The following POLRMT variants were observed in gnomAD, a reference collection of about 807,000 sequenced individuals.
POLRMT encodes the protein DNA-directed RNA polymerase, mitochondrial.
Under a neutral mutation model 132.2 loss-of-function variants are expected in POLRMT, and 114 were observed. The ratio of observed to expected loss-of-function variants is 0.86; its 90% CI spans 0.74 to 1.01. The LOEUF (loss-of-function observed/expected upper bound fraction) is 1.01, where lower values mean the gene tolerates loss of function less well. Among genes scored for constraint, POLRMT ranks in the 50% least tolerant of loss-of-function variants. POLRMT has a pLI of 0.00. For missense variants in POLRMT, 2,003 were observed against 1,729.1 expected, an observed-to-expected ratio of 1.16 and a Z score of -2.81; for synonymous variants, 1,020 against 773.4, an observed-to-expected ratio of 1.32 and a Z score of -5.29.
chr19:631,199 G>A (rs1276985790), intron 2 of POLRMT, among the ~76,000 whole-genome samples: 2 of 151,810 alleles, frequency 1.3e-5, no homozygotes, highest in African/African-American at 2.4e-5. Context: ...ACAGGGCCGC[G>A]CACCTGTGGT....
chr19:617,226 G>GCA lies in POLRMT; in HGVS notation c.*47_*48insTG. ...CCCTTCCTGAAGACAGTGGCTCCTG[G>GCA]GGGTGGCAAAAGAGCTTTATTTACA... On this transcript the variant is annotated 3_prime_UTR_variant, in exon 21 of 21. Coordinates refer to ENST00000588649, the MANE Select transcript of POLRMT (RefSeq NM_005035.4). 1.2e-6 allele frequency: 2 copies of GCA among 1,601,564 alleles called. No homozygotes were observed.
chr19:633,383 G>A (rs1343922054), intron 1 of POLRMT, 42 bp downstream of exon 1: 2 of 1,466,848 alleles, frequency 1.4e-6, no homozygotes, highest in Non-Finnish European at 1.8e-6. Flanking sequence ...AGGAGCCCAC[G>A]CCGTGGCCCC....
intron 16 of POLRMT, 50 bp downstream of exon 16, chr19:618,655 G>C (rs1984219729): frequency 3.7e-6 from 6 of 1,601,970 alleles, no homozygotes; most frequent in Non-Finnish European, 5.1e-6. Context: ...TCTCCACCGT[G>C]GCTGCTCTCC....
rs369286860 is a variant in POLRMT at position 623,606 on chromosome 19, G to A, written c.1141-3C>T. On this transcript the variant is annotated splice_polypyrimidine_tract_variant and splice_region_variant and intron_variant, in intron 5 of 20. Coordinates refer to ENST00000588649, the MANE Select transcript of POLRMT (RefSeq NM_005035.4). ...TTCGGGTAGGACACACGCCCATCCT[G>A]CAGGGATGGGGGTAGTGAGGTTGGG... 125 of 1,613,308 alleles carry A rather than the reference G, an allele frequency of 7.7e-5. No homozygotes were observed. The highest frequency in any genetic ancestry group is 8.1e-5 in the Non-Finnish European group (95 of 1,179,882).
At chr19:626,847 CTT>C (rs1985052252) in intron 3 of POLRMT, among the ~76,000 whole-genome samples, 1 of 150,012 alleles carries the variant, frequency 6.7e-6, no homozygotes, top group Non-Finnish European at 1.5e-5. Flanking sequence ...GAGACAGAAA[CTT>C]TGCTGTCGAC....
intron 3 of POLRMT, among the ~76,000 whole-genome samples, chr19:627,431 C>G (rs150088366): frequency 0.048 from 7,321 of 151,468 alleles, 256 homozygotes; most frequent in Non-Finnish European, 0.068. Flanking sequence ...GGATTACAGG[C>G]GTGAGCCACT....
chr19:623,268 G>A (rs537078001), intron 6 of POLRMT, among the ~76,000 whole-genome samples, 186 bp downstream of exon 6: 1 of 152,344 alleles, frequency 6.6e-6, no homozygotes, highest in East Asian at 1.9e-4. Flanking sequence ...GAGTTCCTAG[G>A]CCCTGCATGA....
chr19:629,872 G>A lies in POLRMT; in HGVS notation c.490C>T (p.Pro164Ser). Reference sequence around the variant, plus strand: ...GCCATCTGCTTGCTCAGGAGCCGGGGCTCCACCTGCAGGCGCCTGGTCAGC... The same window carrying A: ...GCCATCTGCTTGCTCAGGAGCCGGGACTCCACCTGCAGGCGCCTGGTCAGC... Reference protein sequence around the residue: ...KALTRRLQVEPRLLSKQMAGC... With the variant: ...KALTRRLQVESRLLSKQMAGC... The change falls in exon 3 of 21, where the codon CCC becomes TCC. Residue 164 changes from proline to serine, a missense_variant. Physicochemically the swap from Pro to Ser is moderately conservative, Grantham distance 74. Coordinates refer to ENST00000588649, the MANE Select transcript of POLRMT (RefSeq NM_005035.4). 2.5e-6 allele frequency: 4 copies of A among 1,610,586 alleles called. No homozygotes were observed. The highest frequency in any genetic ancestry group is 2.2e-5 in the South Asian group (2 of 90,936).
Position 621,390 on chromosome 19 carries a change from G to A in POLRMT, c.2308C>T (p.Arg770Trp), listed in dbSNP as rs751282996. Residue 770 changes from arginine (R) to tryptophan (W), a missense_variant, in exon 10 of 21, where the codon CGG becomes TGG. By Grantham distance (101) the Arg-to-Trp change is moderately radical (BLOSUM62 -3). Coordinates refer to ENST00000588649, the MANE Select transcript of POLRMT (RefSeq NM_005035.4). ...TCCGCCCGCAGGCTGTGCATCTCCC[G>A]GGCCACCTTCTGGCAGTGCGCCAGC... is the stretch of plus-strand genomic sequence containing the variant. ...RELAHCQKVA[R>W]EMHSLRAEAL... 179 of 1,537,830 alleles carry A rather than the reference G, an allele frequency of 1.2e-4. No individual in the cohort carries two copies. The highest frequency in any genetic ancestry group is 1.5e-4 in the Non-Finnish European group (175 of 1,149,422).
In POLRMT at chr19:633,448, C is replaced by T. The variant is rs1008736323; in HGVS notation, c.65G>A (p.Arg22His). The change falls in exon 1 of 21, where the codon CGC becomes CAC. Residue 22 changes from arginine (R) to histidine (H), a missense_variant. By Grantham distance (29) the Arg-to-His change is conservative. Coordinates refer to ENST00000588649, the MANE Select transcript of POLRMT (RefSeq NM_005035.4). ...ACCTTCTTTGCCGGGGAGTCCCGGGCGGCCGCAAGGCCGTAGGGCTCGTTT... is the reference window on the plus strand; with the variant it reads ...ACCTTCTTTGCCGGGGAGTCCCGGGTGGCCGCAAGGCCGTAGGGCTCGTTT... ...GLKRALRPCG[R>H]PGLPGKEGTA... The T allele has an allele frequency of 1.3e-6, 2 of 1,555,110 alleles. No homozygotes were observed. The highest frequency in any genetic ancestry group is 1.8e-5 in the Admixed American group (1 of 56,722).
chr19:629,614 G>C lies in POLRMT; in HGVS notation c.748C>G (p.His250Asp), dbSNP rs137994680. 4.2e-4 allele frequency: 674 copies of C among 1,607,602 alleles called. No individual in the cohort carries two copies. Among genetic ancestry groups the C allele is most frequent in the Non-Finnish European group, 5.4e-4 (637 of 1,178,298 alleles). ...AGCTTCCGCTTCTGCCGCTGGCCGTGGTGGACGACCAGCAGGTGGTGGGCG... is the reference window on the plus strand; with the variant it reads ...AGCTTCCGCTTCTGCCGCTGGCCGTCGTGGACGACCAGCAGGTGGTGGGCG... ...PLAHHLLVVH[H>D]GQRQKRKLLT... Residue 250 changes from histidine (H) to aspartate (D), a missense_variant, in exon 3 of 21, where the codon CAC becomes GAC. Physicochemically the swap from His to Asp is moderately conservative, Grantham distance 81. Coordinates refer to ENST00000588649, the MANE Select transcript of POLRMT (RefSeq NM_005035.4).
At position 624,799 on chromosome 19, in the gene POLRMT, C is replaced by A. The variant is rs1436800291; in HGVS notation, c.1060G>T (p.Val354Leu). The A allele has an allele frequency of 6.2e-7, 1 of 1,613,436 alleles. No individual in the cohort carries two copies. Among genetic ancestry groups the A allele is most frequent in the Non-Finnish European group, 8.5e-7 (1 of 1,180,018 alleles). Residue 354 changes from valine to leucine, a missense_variant, in exon 5 of 21, where the codon GTG becomes TTG. Coordinates refer to ENST00000588649, the MANE Select transcript of POLRMT (RefSeq NM_005035.4). ...GGCGGGAGGCTGAAGGTGGGCTTCACCTTGTGCACGGCCTTCAGAACAGTG... is the reference window on the plus strand; with the variant it reads ...GGCGGGAGGCTGAAGGTGGGCTTCAACTTGTGCACGGCCTTCAGAACAGTG... The part of the protein sequence containing the change: ...RATVLKAVHK[V>L]KPTFSLPPQL...
At chr19:633,375 G>A (rs1223226772) in intron 1 of POLRMT, 50 bp downstream of exon 1, 6 of 1,444,638 alleles carry the variant, frequency 4.2e-6, no homozygotes, top group East Asian at 2.8e-5. Flanking sequence ...GCGCGGGGAG[G>A]AGCCCACGCC....
At chr19:633,258 C>G (rs1758850133) in intron 1 of POLRMT, 167 bp downstream of exon 1, 1 of 844,446 alleles carries the variant, frequency 1.2e-6, no homozygotes, top group African/African-American at 1.8e-5. Context: ...CACGGAGGAG[C>G]CTCAGTCGAA....
At chr19:625,474 A>T (rs1271557912) in intron 3 of POLRMT, 3 of 538,068 alleles carry the variant, frequency 5.6e-6, no homozygotes, top group Non-Finnish European at 9.7e-6. Context: ...GGACTGTGGG[A>T]GGTTCACGTT....
intron 3 of POLRMT, among the ~76,000 whole-genome samples, chr19:628,081 C>T (rs1055344309): frequency 2.6e-5 from 4 of 152,208 alleles, no homozygotes; most frequent in African/African-American, 4.8e-5. Flanking sequence ...CGCAGTCCAG[C>T]GACATCCAGG....
At chr19:622,394 G>A (rs1463056499) in intron 8 of POLRMT, 21 bp from the exon 9 acceptor site, 8 of 1,528,640 alleles carry the variant, frequency 5.2e-6, no homozygotes, top group Non-Finnish European at 7.0e-6. Context: ...GGGCGGTCAG[G>A]GCGCTGGGCA....
rs2144694732 is a variant in POLRMT, at chr19:630,046, T to G, written c.316A>C (p.Lys106Gln). 6.2e-7 allele frequency: 1 copy of G among 1,613,834 alleles called. No individual in the cohort carries two copies. Among genetic ancestry groups the G allele is most frequent in the East Asian group, 2.2e-5 (1 of 44,882 alleles). Residue 106 changes from lysine (K) to glutamine (Q), a missense_variant, in exon 3 of 21, where the codon AAG becomes CAG. Physicochemically the swap from Lys to Gln is moderately conservative, Grantham distance 53. Transcript: ENST00000588649. ...SGDGSLQPPR[K>Q]VQMGAKDATP... is the part of the protein sequence containing the mutation. ...GCATCCTTGGCCCCCATCTGGACCT[T>G]CCTGGGTGGCTGGAGGCTACCATCT...
chr19:627,451 C>T (rs1040856781), intron 3 of POLRMT, among the ~76,000 whole-genome samples: 16 of 151,838 alleles, frequency 1.1e-4, no homozygotes, highest in African/African-American at 3.6e-4. Context: ...TGTGCCCGGC[C>T]GGTTTTGGGG....
Sources: allele counts gnomAD v4.1 joint callset (sites outside exome capture counted in the v4.1 genomes callset), GRCh38; gene constraint gnomAD v4.1.1; transcripts MANE v1.5; gene names NCBI Gene and HGNC (gene_info 2026-07-23, HGNC 2026-07-21).